The following RBM41 variants were observed in gnomAD, a reference collection of about 807,000 sequenced individuals.
RBM41 encodes the protein RNA-binding protein 41.
A neutral mutation model predicts 30.8 loss-of-function variants in RBM41; 14 were observed. That is an observed-to-expected ratio of 0.45 (90% CI 0.30 to 0.71). The LOEUF is 0.71. Among genes scored for constraint, RBM41 ranks in the 30% least tolerant of loss-of-function variants. RBM41 has a pLI of 0.08. For missense variants in RBM41, 276 were observed against 326.3 expected, an observed-to-expected ratio of 0.85 and a Z score of 1.19; for synonymous variants, 120 against 110.1, an observed-to-expected ratio of 1.09 and a Z score of -0.56.
intron 5 of RBM41, among the ~76,000 whole-genome samples, chrX:107,106,309 C>T (rs1923981538): frequency 9.0e-6 from 1 of 111,710 alleles, no homozygotes; most frequent in East Asian, 2.8e-4. Flanking sequence ...CAAATCAAAA[C>T]CACAATGAGA....
rs980707536 is a variant in RBM41 at position 107,116,216 on chromosome X, C to T, written c.126-162G>A. The T allele has an allele frequency of 1.7e-5, 17 of 977,838 alleles. No homozygotes were observed. The African/African-American group carries it at 2.8e-4, about 16-fold the overall frequency. 80.6% of individuals were successfully genotyped at this position (977,838 alleles called of 1,213,427 possible). A position where few individuals can be genotyped will look rare whatever the true frequency, so the allele number is the denominator to read the frequency against. ...CCACTGCAACAAAATGGAACTCCAT[C>T]GAGAGTGCCGTCATCCAGGAATAAT... On this transcript the variant is annotated intron_variant, in intron 2 of 7. Coordinates refer to ENST00000685964, the MANE Select transcript of RBM41 (RefSeq NM_001324242.2).
chrX:107,103,475 T>G, intron 5 of RBM41, among the ~76,000 whole-genome samples: 1 of 111,016 alleles, frequency 9.0e-6, no homozygotes, highest in East Asian at 2.8e-4. Context: ...AAGGATATTC[T>G]CCTAGAGCCT....
chrX:107,059,996 G>GA (rs1452975772), downstream of RBM41, among the ~76,000 whole-genome samples: 2 of 110,616 alleles, frequency 1.8e-5, no homozygotes, highest in African/African-American at 6.6e-5. Context: ...CTAGGGTAGG[G>GA]AAAAAACAAG....
At chrX:107,075,477 T>G (rs1374555424) in intron 6 of RBM41, among the ~76,000 whole-genome samples, 5 of 110,999 alleles carry the variant, frequency 4.5e-5, no homozygotes, top group Non-Finnish European at 7.6e-5. Context: ...ACCTATGGAG[T>G]AACAGAAAAT....
rs1260073237 is a variant in RBM41 at position 107,106,151 on chromosome X, A to T, written c.595+7246T>A. ...AAGGGCTAATATCCAGAATCTACAA[A>T]CAACTCAAACAAATTTACAAGAAAA... On this transcript the variant is annotated intron_variant, in intron 5 of 7. Transcript: ENST00000685964. Among the ~76,000 whole-genome samples, 7 of 111,792 alleles carry T rather than the reference A, an allele frequency of 6.3e-5. No individual in the cohort carries two copies. In the East Asian group the frequency reaches 1.7e-3, roughly 27 times the overall value.
At chrX:107,083,858 C>A (rs932099933) in intron 6 of RBM41, among the ~76,000 whole-genome samples, 1 of 109,370 alleles carries the variant, frequency 9.1e-6, no homozygotes, top group Non-Finnish European at 1.9e-5. Flanking sequence ...AATTCCATAT[C>A]TGATAATTCC....
chrX:107,080,290 A>G (rs1186215634), intron 6 of RBM41, among the ~76,000 whole-genome samples: 1 of 110,987 alleles, frequency 9.0e-6, no homozygotes, highest in African/African-American at 3.3e-5. Context: ...AAAAAAAAAA[A>G]AACTGCAGCC....
intron 4 of RBM41, among the ~76,000 whole-genome samples, 171 bp from the exon 5 acceptor site, chrX:107,113,639 C>A (rs1357801727): frequency 1.8e-5 from 2 of 111,918 alleles, no homozygotes; most frequent in East Asian, 5.6e-4. Flanking sequence ...TCTCATTTTA[C>A]AGATGAAGAT....
chrX:107,116,766 C>T lies in RBM41; in HGVS notation c.9G>A (p.Arg3=), dbSNP rs1602624231. 8.3e-7 allele frequency: 1 copy of T among 1,204,706 alleles called. No homozygotes were observed. The change falls in exon 2 of 8, where the codon AGG becomes AGA. Residue 3 remains arginine (R), a splice_region_variant and synonymous_variant. Transcript: ENST00000685964. The stretch of plus-strand genomic sequence containing the variant: ...CATCACTCTTCACACAGCTGTTTAC[C>T]CTGGAGTAGACATAAGAATATATAC... The part of the protein sequence containing the change: MK[R]VNSCVKSDEH...
chrX:107,094,734 G>T (rs1922824735), intron 5 of RBM41, among the ~76,000 whole-genome samples: 1 of 111,263 alleles, frequency 9.0e-6, no homozygotes, highest in Non-Finnish European at 1.9e-5. Flanking sequence ...GAAGCAAGAA[G>T]GTCAGAGACA....
intron 6 of RBM41, 111 bp downstream of exon 6, chrX:107,088,325 C>A (rs1922218726): frequency 1.4e-6 from 1 of 734,565 alleles, no homozygotes; most frequent in African/African-American, 2.1e-5. Flanking sequence ...AATCACTGTG[C>A]CTATATCATG....
chrX:107,055,563 A>T, the RBM41 span, among the ~76,000 whole-genome samples: 2 of 112,294 alleles, frequency 1.8e-5, no homozygotes, highest in Non-Finnish European at 3.8e-5. Flanking sequence ...TGACCTCGTG[A>T]TCTGCCCGCC....
At chrX:107,085,726 T>G (rs144559436) in intron 6 of RBM41, among the ~76,000 whole-genome samples, 1,222 of 112,239 alleles carry the variant, frequency 0.011, 13 homozygotes, top group South Asian at 0.11. Flanking sequence ...GTGAACTGCC[T>G]GTTATGTCTG....
chrX:107,096,595 A>G (rs1195945877), intron 5 of RBM41, among the ~76,000 whole-genome samples: 3 of 111,891 alleles, frequency 2.7e-5, no homozygotes, highest in Admixed American at 1.9e-4. Flanking sequence ...ATAAAAATCA[A>G]CTCAAATGTA....
intron 6 of RBM41, among the ~76,000 whole-genome samples, chrX:107,083,499 CT>C (rs1921734510): frequency 9.0e-6 from 1 of 111,111 alleles, no homozygotes; most frequent in Non-Finnish European, 1.9e-5. Flanking sequence ...TCTTCTCCTT[CT>C]TTTTCTCTTC....
At chrX:107,069,102 CAGAA>C (rs1417702296) in intron 7 of RBM41, among the ~76,000 whole-genome samples, 149 bp downstream of exon 7, 2 of 111,547 alleles carry the variant, frequency 1.8e-5, no homozygotes, top group African/African-American at 6.5e-5. Context: ...GGAGAGGAAA[CAGAA>C]AGAAACACTG....
At chrX:107,089,839 C>A (rs949682515) in intron 5 of RBM41, among the ~76,000 whole-genome samples, 1 of 111,550 alleles carries the variant, frequency 9.0e-6, no homozygotes, top group Non-Finnish European at 1.9e-5. Flanking sequence ...ATTCACCTTC[C>A]ACCTAATGGG....
At chrX:107,056,436 T>C in the RBM41 span, among the ~76,000 whole-genome samples, 3 of 112,239 alleles carry the variant, frequency 2.7e-5, no homozygotes, top group African/African-American at 9.7e-5. Flanking sequence ...TCCTTTCCAT[T>C]TCTTTGAAGA....
chrX:107,077,506 C>T (rs1029756676), intron 6 of RBM41, among the ~76,000 whole-genome samples: 8 of 108,836 alleles, frequency 7.4e-5, no homozygotes, highest in African/African-American at 2.7e-4. Context: ...GGGATACATC[C>T]CCTCTGCATA....
Sources: allele counts gnomAD v4.1 joint callset (sites outside exome capture counted in the v4.1 genomes callset), GRCh38; gene constraint gnomAD v4.1.1; transcripts MANE v1.5; gene names NCBI Gene and HGNC (gene_info 2026-07-23, HGNC 2026-07-21).